The following VPS13A variants were observed in gnomAD, a reference collection of about 807,000 sequenced individuals.
VPS13A encodes the protein vacuolar protein sorting 13 homolog A.
VPS13A carries 264 observed loss-of-function variants against 390.9 expected under a neutral mutation model. That is an observed-to-expected ratio of 0.68 (90% CI 0.61 to 0.75). The LOEUF is 0.75. VPS13A is among the 30% of genes least tolerant of loss of function. VPS13A has a pLI of 0.00. For synonymous variants in VPS13A, 1,231 were observed against 1,227.1 expected (o/e 1.00, Z -0.07); for missense variants, 3,409 against 3,733.9 (o/e 0.91, Z 2.27).
At chr9:77,206,107 A>G (rs775568234) in intron 5 of VPS13A, 28 bp downstream of exon 5, 1 of 1,439,854 alleles carries the variant, frequency 6.9e-7, no homozygotes, top group Admixed American at 2.0e-5. Context: ...TAACAATGCT[A>G]ATAAGAGAAG....
At chr9:77,380,930 C>T (rs1185003226) in intron 67 of VPS13A, among the ~76,000 whole-genome samples, 2 of 152,164 alleles carry the variant, frequency 1.3e-5, no homozygotes, top group East Asian at 3.8e-4. Flanking sequence ...ACTTGCTTGC[C>T]ACTACTCACC....
At chr9:77,289,806 A>T (rs1827545882) in intron 31 of VPS13A, among the ~76,000 whole-genome samples, 1 of 145,102 alleles carries the variant, frequency 6.9e-6, no homozygotes. Context: ...TTTGAGACAG[A>T]GTCTTGCTCT....
chr9:77,328,053 T>G (rs1238145083), intron 45 of VPS13A, among the ~76,000 whole-genome samples: 2 of 152,196 alleles, frequency 1.3e-5, no homozygotes, highest in Non-Finnish European at 2.9e-5. Context: ...AGACTAATAT[T>G]ATTTAAGTCA....
At chr9:77,414,612 A>C (rs1168712173) in intron 71 of VPS13A, among the ~76,000 whole-genome samples, 1 of 152,046 alleles carries the variant, frequency 6.6e-6, no homozygotes, top group African/African-American at 2.4e-5. Context: ...GGGAGGAGGG[A>C]TAGCATTAGG....
intron 62 of VPS13A, 120 bp from the exon 63 acceptor site, chr9:77,369,179 G>C (rs1198673770): frequency 4.0e-6 from 3 of 743,834 alleles, no homozygotes. Flanking sequence ...AGATGGTTTA[G>C]GAGTTGAAAT....
chr9:77,213,846 G>C (rs1246605011), intron 9 of VPS13A, among the ~76,000 whole-genome samples: 1 of 151,930 alleles, frequency 6.6e-6, no homozygotes, highest in Admixed American at 6.6e-5. Flanking sequence ...TCTTTTATAA[G>C]ATTAGTTTGG....
At chr9:77,314,336 G>A (rs1829258521) in intron 36 of VPS13A, among the ~76,000 whole-genome samples, 159 bp from the exon 37 acceptor site, 1 of 152,056 alleles carries the variant, frequency 6.6e-6, no homozygotes, top group Non-Finnish European at 1.5e-5. Flanking sequence ...TAAAATTAAA[G>A]TGATATGTAT....
chr9:77,409,628 A>AG (rs1480973420), intron 71 of VPS13A, among the ~76,000 whole-genome samples: 1 of 151,680 alleles, frequency 6.6e-6, no homozygotes, highest in African/African-American at 2.4e-5. Context: ...CTGAAAACCA[A>AG]GGCACGAGAA....
At chr9:77,213,649 C>A (rs928565270) in intron 9 of VPS13A, among the ~76,000 whole-genome samples, 8 of 152,040 alleles carry the variant, frequency 5.3e-5, no homozygotes, top group South Asian at 2.1e-4. Flanking sequence ...TATAGGCACA[C>A]GCCACCATGC....
chr9:77,218,018 A>G (rs180847183), intron 10 of VPS13A, among the ~76,000 whole-genome samples: 264 of 149,614 alleles, frequency 1.8e-3, no homozygotes, highest in Middle Eastern at 3.5e-3. Flanking sequence ...TTTAATTTTC[A>G]TTTCTCGGAT....
intron 1 of VPS13A, among the ~76,000 whole-genome samples, chr9:77,196,741 G>T (rs575435202): frequency 2.6e-5 from 4 of 151,804 alleles, no homozygotes; most frequent in African/African-American, 7.2e-5. Context: ...CTTTAGCAGT[G>T]CATCTGTTTG....
chr9:77,221,482 T>G, intron 13 of VPS13A, 126 bp downstream of exon 13: 1 of 1,021,530 alleles, frequency 9.8e-7, no homozygotes, highest in Non-Finnish European at 1.4e-6. Context: ...TTACTTAGAC[T>G]TTTTTGTGCT....
chr9:77,356,410 C>T (rs1344307969), intron 54 of VPS13A, among the ~76,000 whole-genome samples: 1 of 152,130 alleles, frequency 6.6e-6, no homozygotes, highest in African/African-American at 2.4e-5. Flanking sequence ...TTTTCACCTC[C>T]TACATATTAA....
At chr9:77,378,944 T>C (rs185637540) in intron 67 of VPS13A, among the ~76,000 whole-genome samples, 1 of 152,034 alleles carries the variant, frequency 6.6e-6, no homozygotes, top group East Asian at 1.9e-4. Flanking sequence ...CTTTGACATT[T>C]TGTTATTTAT....
chr9:77,355,211 G>T (rs961254413), intron 54 of VPS13A, among the ~76,000 whole-genome samples: 1 of 152,132 alleles, frequency 6.6e-6, no homozygotes, highest in African/African-American at 2.4e-5. Context: ...ACTCCAAACA[G>T]GGTTTTGCTT....
rs747231613 is a variant in VPS13A at position 77,337,435 on chromosome 9, A to G, written c.6276A>G (p.Ser2092=). 1 of 1,613,128 alleles carries G rather than the reference A, an allele frequency of 6.2e-7. No homozygotes were observed. The highest frequency in any genetic ancestry group is 8.5e-7 in the Non-Finnish European group (1 of 1,179,244). Residue 2092 remains serine, a synonymous_variant, in exon 47 of 72, where the codon TCA becomes TCG. Transcript: ENST00000360280. ...AAAAAGATAATTTAACATCTCTATC[A>G]GTGTATTCAGAAGATGGTTGGGATT... is the stretch of plus-strand genomic sequence containing the variant. ...VPEKDNLTSL[S]VYSEDGWDLP... is the part of the protein sequence containing the mutation.
intron 23 of VPS13A, among the ~76,000 whole-genome samples, chr9:77,267,571 A>C (rs1255046305): frequency 1.3e-5 from 2 of 152,192 alleles, no homozygotes; most frequent in Non-Finnish European, 2.9e-5. Context: ...GCCAGATGCC[A>C]GCCAGAGCTC....
chr9:77,360,599 A>C lies in VPS13A; in HGVS notation c.8169A>C (p.Leu2723Phe), dbSNP rs752791929. The C allele has an allele frequency of 5.6e-6, 9 of 1,613,040 alleles. No individual in the cohort carries two copies. Among genetic ancestry groups the C allele is most frequent in the South Asian group, 1.1e-5 (1 of 91,040 alleles). ...LRLDLGFIYA[L>F]TDLMTEAEVT... The stretch of plus-strand genomic sequence containing the variant: ...TAGATCTTGGGTTTATCTATGCTTT[A>C]ACAGACCTTATGACAGAAGCTGAGG... Residue 2723 changes from leucine to phenylalanine, a missense_variant, in exon 59 of 72, where the codon TTA becomes TTC. Physicochemically the swap from Leu to Phe is conservative, Grantham distance 22. Transcript: ENST00000360280.
intron 33 of VPS13A, among the ~76,000 whole-genome samples, chr9:77,298,899 G>C (rs984483170): frequency 6.6e-6 from 1 of 152,158 alleles, no homozygotes; most frequent in South Asian, 2.1e-4. Context: ...GCCTGCCGCT[G>C]TGTAAGATGT....
Sources: gnomAD v4.1 joint callset for allele counts (sites outside exome capture counted in the v4.1 genomes callset) on GRCh38, gnomAD v4.1.1 for gene constraint, MANE v1.5 for transcripts, NCBI Gene and HGNC (gene_info 2026-07-23, HGNC 2026-07-21) for gene names.